Variants in PTCD2 observed in about 807,000 individuals in gnomAD.
PTCD2 encodes pentatricopeptide repeat-containing protein 2, mitochondrial.
PTCD2 carries 31 observed loss-of-function variants against 42.6 expected under a neutral mutation model. The observed-to-expected ratio is 0.73, with a 90% CI of 0.55 to 0.98. The LOEUF is 0.98. PTCD2 is among the 50% of genes least tolerant of loss of function. The pLI is 0.00. For synonymous variants in PTCD2, 183 were observed against 170.9 expected (o/e 1.07, Z -0.55); for missense variants, 476 against 454.8 (o/e 1.05, Z -0.42).
chr5:72,351,057 G>T (rs1004853854), intron 8 of PTCD2, among the ~76,000 whole-genome samples: 6 of 152,194 alleles, frequency 3.9e-5, no homozygotes, highest in African/African-American at 1.4e-4. Flanking sequence ...AATGTCTGTT[G>T]TGTAGTAATT....
Position 72,322,200 on chromosome 5 carries a change from G to T in PTCD2, c.156G>T (p.Val52=). ...GAKRYLLTDN[V]VKLKEFQQKK... is the part of the protein sequence containing the mutation. ...AAAGATACCTACTTACAGATAATGT[G>T]GTGAAATTAAAAGAATTTCAACAAA... Residue 52 remains valine, a synonymous_variant, in exon 2 of 10, where the codon GTG becomes GTT. Transcript: ENST00000380639. The T allele has an allele frequency of 6.3e-7, 1 of 1,596,462 alleles. No homozygotes were observed. The highest frequency in any genetic ancestry group is 1.1e-5 in the South Asian group (1 of 90,478).
chr5:72,335,833 T>G lies in PTCD2; in HGVS notation c.587T>G (p.Val196Gly). 1 of 1,613,984 alleles carries G rather than the reference T, an allele frequency of 6.2e-7. No individual in the cohort carries two copies. The highest frequency in any genetic ancestry group is 2.2e-5 in the East Asian group (1 of 44,868). ...QVLIEMKNQD[V>G]KFTKDTYVLA... The stretch of plus-strand genomic sequence containing the variant: ...TTGATAGAGATGAAAAACCAAGATG[T>G]GAAGTTCACCAAAGATACCTATGTT... Residue 196 changes from valine (V) to glycine (G), a missense_variant, in exon 6 of 10, where the codon GTG (valine) becomes GGG (glycine). Physicochemically the swap from Val to Gly is moderately radical, Grantham distance 109. Transcript: ENST00000380639.
chr5:72,363,992 T>C lies in PTCD2; in HGVS notation c.*5565T>C, dbSNP rs568677463. The C allele has an allele frequency of 9.2e-5, 14 of 152,330 alleles. No individual in the cohort carries two copies. The highest frequency in any genetic ancestry group is 1.9e-4 in the Non-Finnish European group (13 of 68,024). The allele number at this position is 152,330 out of a possible 1,614,324, so 9.4% of individuals were successfully genotyped here. ...AAGCTATCATCAGTAATATTTGATA[T>C]GCATAAGAAACCGTGAGGAACCAAA... On this transcript the variant is annotated 3_prime_UTR_variant, in exon 10 of 10. Coordinates refer to ENST00000380639, the MANE Select transcript of PTCD2 (RefSeq NM_024754.5).
chr5:72,351,463 T>C (rs996307041), intron 8 of PTCD2, among the ~76,000 whole-genome samples: 1 of 152,210 alleles, frequency 6.6e-6, no homozygotes, highest in Non-Finnish European at 1.5e-5. Context: ...GAAGGTACCA[T>C]TTGCCCCTAG....
intron 9 of PTCD2, 145 bp from the exon 10 acceptor site, chr5:72,358,058 C>T: frequency 2.9e-6 from 2 of 699,770 alleles, no homozygotes; most frequent in Non-Finnish European, 4.9e-6. Context: ...TCTCAGCGTC[C>T]AAAATTGCTT....
intron 4 of PTCD2, 49 bp from the exon 5 acceptor site, chr5:72,334,968 CA>C: frequency 8.8e-7 from 1 of 1,139,948 alleles, no homozygotes. Context: ...AGTACCTCCT[CA>C]ATAAATAGTT....
In PTCD2 at chr5:72,332,944, A is replaced by G. The variant is rs116735866; in HGVS notation, c.468+1569A>G. 3.7e-3 allele frequency among the ~76,000 whole-genome samples: 566 copies of G among 152,382 alleles called. 1 individual carries two copies. Among genetic ancestry groups the G allele is most frequent in the African/African-American group, 0.013 (550 of 41,596 alleles). Reference sequence around the variant, plus strand: ...TTTATATTGATTACATGTTGAAATTACATCTTGGATATAGTGGGTTAAATA... The same window carrying G: ...TTTATATTGATTACATGTTGAAATTGCATCTTGGATATAGTGGGTTAAATA... On this transcript the variant is annotated intron_variant, in intron 4 of 9. Transcript: ENST00000380639.
intron 1 of PTCD2, chr5:72,320,731 G>A: frequency 3.4e-6 from 2 of 589,942 alleles, no homozygotes; most frequent in Non-Finnish European, 5.9e-6. Flanking sequence ...ATTGACCTTG[G>A]GGCTGTAGTG....
intron 2 of PTCD2, among the ~76,000 whole-genome samples, chr5:72,325,085 G>C (rs1440521853): frequency 6.6e-6 from 1 of 152,054 alleles, no homozygotes; most frequent in Non-Finnish European, 1.5e-5. Flanking sequence ...ACCACACCTG[G>C]CTACTTTTTG....
At chr5:72,326,124 A>G (rs915350395) in intron 2 of PTCD2, among the ~76,000 whole-genome samples, 1 of 152,362 alleles carries the variant, frequency 6.6e-6, no homozygotes, top group African/African-American at 2.4e-5. Context: ...AACGTGAGTC[A>G]TGTGGGTCCA....
At position 72,359,750 on chromosome 5, in the gene PTCD2, A is replaced by G. The variant is rs1014813633; in HGVS notation, c.*1323A>G. On this transcript the variant is annotated 3_prime_UTR_variant, in exon 10 of 10. Coordinates refer to ENST00000380639, the MANE Select transcript of PTCD2 (RefSeq NM_024754.5). The stretch of plus-strand genomic sequence containing the variant: ...CAGGATCCGCATATGAGAGTCGCAC[A>G]TTGGTATAATTGATTTGTGGTAGAG... The G allele has an allele frequency of 5.3e-5, 8 of 152,118 alleles. No individual in the cohort carries two copies. The highest frequency in any genetic ancestry group is 8.8e-5 in the Non-Finnish European group (6 of 68,028). The allele number at this position is 152,118 out of a possible 1,614,324, so 9.4% of individuals were successfully genotyped here. A position where few individuals can be genotyped will look rare whatever the true frequency, so the allele number is the denominator to read the frequency against.
intron 7 of PTCD2, among the ~76,000 whole-genome samples, chr5:72,340,971 T>G (rs1752024394): frequency 5.1e-5 from 1 of 19,748 alleles, no homozygotes; most frequent in Non-Finnish European, 9.9e-5. Context: ...TCTTTTCTGT[T>G]TTTTTTTTTT....
intron 5 of PTCD2, 22 bp from the exon 6 acceptor site, chr5:72,335,772 A>G: frequency 1.9e-6 from 3 of 1,550,072 alleles, no homozygotes; most frequent in Non-Finnish European, 2.7e-6. Flanking sequence ...TAACACTGCG[A>G]TCCACTCTTC....
At chr5:72,346,532 G>T (rs1752368221) in intron 8 of PTCD2, among the ~76,000 whole-genome samples, 1 of 152,186 alleles carries the variant, frequency 6.6e-6, no homozygotes, top group Non-Finnish European at 1.5e-5. Flanking sequence ...GTCTGAGCAG[G>T]TGGGTCAGCC....
At chr5:72,332,647 G>A (rs1374530736) in intron 4 of PTCD2, among the ~76,000 whole-genome samples, 5 of 152,106 alleles carry the variant, frequency 3.3e-5, no homozygotes, top group African/African-American at 7.2e-5. Flanking sequence ...GAAAGCAAAC[G>A]GGTTTTTTTT....
rs139636350 is a variant in PTCD2, at chr5:72,333,584, C to T, written c.469-1434C>T. Among the ~76,000 whole-genome samples the T allele has an allele frequency of 3.2e-3, 490 of 152,236 alleles. 3 individuals are homozygous for T. The highest frequency in any genetic ancestry group is 3.5e-3 in the Non-Finnish European group (241 of 67,998). The stretch of plus-strand genomic sequence containing the variant: ...AATGACACATTTGAATACCATGTGT[C>T]CCATTATCATGGCACACAAAATGTT... On this transcript the variant is annotated intron_variant, in intron 4 of 9. Transcript: ENST00000380639.
intron 6 of PTCD2, 22 bp from the exon 7 acceptor site, chr5:72,338,600 G>A (rs1309521211): frequency 2.5e-5 from 32 of 1,285,328 alleles, no homozygotes; most frequent in South Asian, 8.8e-5. Context: ...AACATTAATC[G>A]AACAATCCTG....
At chr5:72,321,850 C>A (rs934248843) in intron 1 of PTCD2, among the ~76,000 whole-genome samples, 1 of 152,078 alleles carries the variant, frequency 6.6e-6, no homozygotes, top group Non-Finnish European at 1.5e-5. Flanking sequence ...ATACCCTTAA[C>A]CGATGGCAAA....
chr5:72,321,839 G>T (rs1343019427), intron 1 of PTCD2, among the ~76,000 whole-genome samples: 1 of 151,872 alleles, frequency 6.6e-6, no homozygotes, highest in Non-Finnish European at 1.5e-5. Context: ...AAATGCCCTT[G>T]ATACCCTTAA....
Sources: allele counts gnomAD v4.1 joint callset (sites outside exome capture counted in the v4.1 genomes callset), GRCh38; gene constraint gnomAD v4.1.1; transcripts MANE v1.5; gene names NCBI Gene and HGNC (gene_info 2026-07-23, HGNC 2026-07-21).